The following SLC30A9 variants were observed in gnomAD, a reference collection of about 807,000 sequenced individuals.
SLC30A9 encodes the protein proton-coupled zinc antiporter SLC30A9, mitochondrial.
In SLC30A9, 58 loss-of-function variants were observed where a neutral mutation model predicts 87.5. The ratio of observed to expected loss-of-function variants is 0.66; its 90% CI spans 0.54 to 0.82. SLC30A9 has a LOEUF of 0.82. Ranked by LOEUF, SLC30A9 falls within the 40% of genes least tolerant of loss-of-function variation. SLC30A9 has a pLI of 0.00. For missense variants in SLC30A9, 557 were observed against 679.1 expected, an observed-to-expected ratio of 0.82 and a Z score of 2.00; for synonymous variants, 234 against 233.0, an observed-to-expected ratio of 1.00 and a Z score of -0.04.
intron 9 of SLC30A9, 107 bp downstream of exon 9, chr4:42,049,586 TG>T: frequency 1.9e-6 from 1 of 540,296 alleles, no homozygotes; most frequent in South Asian, 4.0e-5. Flanking sequence ...AGTTGGCTTG[TG>T]GGATAAAATA....
intron 12 of SLC30A9, 75 bp from the exon 13 acceptor site, chr4:42,066,475 A>G: frequency 1.1e-6 from 1 of 874,348 alleles, no homozygotes; most frequent in Non-Finnish European, 1.8e-6. Context: ...TTATTTGTTT[A>G]TCTTTTGAGA....
chr4:41,994,961 T>C (rs561841567), intron 1 of SLC30A9, among the ~76,000 whole-genome samples: 1 of 151,966 alleles, frequency 6.6e-6, no homozygotes, highest in East Asian at 1.9e-4. Context: ...TTGACAGTTA[T>C]AAAAGACCAT....
intron 6 of SLC30A9, among the ~76,000 whole-genome samples, chr4:42,033,486 T>G (rs1716534655): frequency 1.3e-5 from 2 of 152,078 alleles, no homozygotes; most frequent in Admixed American, 1.3e-4. Flanking sequence ...ACCAAAAATT[T>G]AAAAATAAAA....
intron 2 of SLC30A9, among the ~76,000 whole-genome samples, chr4:42,012,690 A>G (rs1474175526): frequency 6.6e-6 from 1 of 152,184 alleles, no homozygotes; most frequent in Non-Finnish European, 1.5e-5. Flanking sequence ...CAAATAGTAG[A>G]TCTTTTTCTA....
chr4:42,044,782 A>G (rs1717075569), intron 8 of SLC30A9, among the ~76,000 whole-genome samples: 1 of 152,174 alleles, frequency 6.6e-6, no homozygotes, highest in African/African-American at 2.4e-5. Flanking sequence ...GCACCCTGTC[A>G]CTCTTATTCT....
At chr4:42,060,807 A>G (rs182187623) in intron 10 of SLC30A9, among the ~76,000 whole-genome samples, 1 of 152,164 alleles carries the variant, frequency 6.6e-6, no homozygotes, top group African/African-American at 2.4e-5. Context: ...GAATTCCACA[A>G]ACATCATTTT....
At chr4:42,035,386 AAT>A (rs1194844926) in intron 7 of SLC30A9, 53 bp downstream of exon 7, 4 of 1,577,884 alleles carry the variant, frequency 2.5e-6, no homozygotes, top group Non-Finnish European at 3.5e-6. Context: ...GCAAAATTCT[AAT>A]ATCAGTCCAT....
chr4:41,998,724 A>G (rs894420569), intron 1 of SLC30A9, among the ~76,000 whole-genome samples: 16 of 152,092 alleles, frequency 1.1e-4, no homozygotes, highest in African/African-American at 3.4e-4. Context: ...TTGGCCTCCT[A>G]AAGTGTTGGG....
intron 17 of SLC30A9, 146 bp from the exon 18 acceptor site, chr4:42,085,936 T>A (rs948833923): frequency 3.7e-6 from 1 of 270,728 alleles, no homozygotes; most frequent in African/African-American, 1.9e-5. Flanking sequence ...GATCTTACTT[T>A]TTTTCTTATG....
At chr4:42,002,151 A>AT (rs35901104) in intron 2 of SLC30A9, among the ~76,000 whole-genome samples, 96,314 of 150,786 alleles carry the variant, frequency 0.64, 35,328 homozygotes, top group East Asian at 0.96. Context: ...TTTCCAAGTA[A>AT]TTTTTTTTTA....
intron 8 of SLC30A9, among the ~76,000 whole-genome samples, chr4:42,039,913 C>CAGAT (rs71276530): frequency 0.67 from 101,153 of 151,612 alleles, 37,394 homozygotes; most frequent in East Asian, 0.96. Context: ...AAATATGTAT[C>CAGAT]AGTGTGATAG....
At chr4:42,022,037 G>A (rs1323861755) in intron 4 of SLC30A9, among the ~76,000 whole-genome samples, 2 of 66,598 alleles carry the variant, frequency 3.0e-5, no homozygotes, top group Non-Finnish European at 4.1e-5. Context: ...CCGGGTTCAC[G>A]CCATTCTCCT....
At chr4:42,060,357 G>A in intron 10 of SLC30A9, 111 bp downstream of exon 10, 1 of 829,388 alleles carries the variant, frequency 1.2e-6, no homozygotes, top group Admixed American at 1.9e-5. Context: ...TTCAAGATTT[G>A]GTCATTTCTT....
chr4:41,998,629 G>A (rs57907482), intron 1 of SLC30A9, among the ~76,000 whole-genome samples: 7,336 of 151,886 alleles, frequency 0.048, 249 homozygotes, highest in African/African-American at 0.078. Context: ...ACGTCTGGCT[G>A]ATTTTTTTGT....
At chr4:42,057,130 C>T (rs1032293726) in intron 9 of SLC30A9, among the ~76,000 whole-genome samples, 1 of 152,158 alleles carries the variant, frequency 6.6e-6, no homozygotes, top group Non-Finnish European at 1.5e-5. Context: ...TGTGGCTTTT[C>T]CAGGTGCACT....
At chr4:42,012,707 T>A (rs1200357943) in intron 2 of SLC30A9, among the ~76,000 whole-genome samples, 1 of 152,198 alleles carries the variant, frequency 6.6e-6, no homozygotes, top group Non-Finnish European at 1.5e-5. Context: ...TCTATTTTTT[T>A]AATCCATTAA....
chr4:42,022,394 A>C (rs1211217960), intron 4 of SLC30A9, among the ~76,000 whole-genome samples: 1 of 151,068 alleles, frequency 6.6e-6, no homozygotes, highest in Non-Finnish European at 1.5e-5. Flanking sequence ...AACCCAGCTA[A>C]TTTTTGTATT....
intron 1 of SLC30A9, among the ~76,000 whole-genome samples, chr4:41,992,917 G>C (rs1238970129): frequency 6.6e-6 from 1 of 151,958 alleles, no homozygotes; most frequent in Non-Finnish European, 1.5e-5. Context: ...CTAGAAGTAA[G>C]GTTTAGTTTA....
chr4:42,039,502 C>T (rs551375113), intron 8 of SLC30A9, among the ~76,000 whole-genome samples: 18 of 148,010 alleles, frequency 1.2e-4, no homozygotes, highest in African/African-American at 4.0e-4. Flanking sequence ...CTTGCTCTGT[C>T]GCCAGGCTGG....
Sources: gnomAD v4.1 joint callset for allele counts (sites outside exome capture counted in the v4.1 genomes callset) on GRCh38, gnomAD v4.1.1 for gene constraint, MANE v1.5 for transcripts, NCBI Gene and HGNC (gene_info 2026-07-23, HGNC 2026-07-21) for gene names.